NAALADL2: variants seen among roughly 807,000 people sequenced by gnomAD.
The protein encoded by NAALADL2 is N-acetylated alpha-linked acidic dipeptidase like 2.
NAALADL2 carries 76 observed loss-of-function variants against 87.2 expected under a neutral mutation model. The ratio of observed to expected loss-of-function variants is 0.87; its 90% CI spans 0.72 to 1.05. The LOEUF (loss-of-function observed/expected upper bound fraction) is 1.05, where lower values mean the gene tolerates loss of function less well. Ranked by LOEUF, NAALADL2 falls within the 50% of genes least tolerant of loss-of-function variation. The pLI is 0.00. For synonymous variants in NAALADL2, 354 were observed against 331.0 expected (o/e 1.07, Z -0.75); for missense variants, 1,089 against 945.8 (o/e 1.15, Z -1.99).
chr3:174,729,005 G>C (rs1001405830), intron 2 of NAALADL2, among the ~76,000 whole-genome samples: 2 of 152,072 alleles, frequency 1.3e-5, no homozygotes, highest in Non-Finnish European at 2.9e-5. Flanking sequence ...GACTGAAATA[G>C]TCTGTAAAGG....
Position 175,361,714 on chromosome 3 carries a change from G to A in NAALADL2, c.1090+37389G>A, listed in dbSNP as rs1253576759. Among the ~76,000 whole-genome samples the A allele has an allele frequency of 5.4e-5, 8 of 148,218 alleles. 1 individual carries two copies. The highest frequency in any genetic ancestry group is 2.0e-4 in the African/African-American group (8 of 40,842). ...CCTTCGCCCACTTTTTGATGGGGTT[G>A]TTTGATTTTTTCTTGTAAATTTGTT... is the stretch of plus-strand genomic sequence containing the variant. On this transcript the variant is annotated intron_variant, in intron 5 of 13. Transcript: ENST00000454872.
At chr3:175,706,979 A>G (rs936863765) in intron 11 of NAALADL2, among the ~76,000 whole-genome samples, 2 of 152,154 alleles carry the variant, frequency 1.3e-5, no homozygotes, top group African/African-American at 4.8e-5. Context: ...TATGTATATA[A>G]TGGATTACTT....
chr3:175,621,106 C>T (rs1420628660), intron 10 of NAALADL2, among the ~76,000 whole-genome samples: 1 of 152,172 alleles, frequency 6.6e-6, no homozygotes, highest in Non-Finnish European at 1.5e-5. Flanking sequence ...GCTCTCACTC[C>T]GTCACGGATT....
chr3:174,914,567 G>A (rs1247428104), intron 1 of NAALADL2, among the ~76,000 whole-genome samples: 1 of 152,010 alleles, frequency 6.6e-6, no homozygotes, highest in Non-Finnish European at 1.5e-5. Flanking sequence ...GTCATGGTAA[G>A]AATAAAAGGC....
At chr3:175,706,482 T>C (rs1041409326) in intron 11 of NAALADL2, among the ~76,000 whole-genome samples, 1 of 152,116 alleles carries the variant, frequency 6.6e-6, no homozygotes, top group Non-Finnish European at 1.5e-5. Context: ...AATCTCTGTC[T>C]TTCTCTCAAA....
intron 9 of NAALADL2, among the ~76,000 whole-genome samples, chr3:175,545,795 G>A (rs1713211169): frequency 6.6e-6 from 1 of 151,982 alleles, no homozygotes; most frequent in Non-Finnish European, 1.5e-5. Flanking sequence ...TGAAAGATCT[G>A]CACATAGAAA....
intron 9 of NAALADL2, among the ~76,000 whole-genome samples, chr3:175,517,514 A>G (rs1462089947): frequency 6.6e-6 from 1 of 152,180 alleles, no homozygotes; most frequent in Non-Finnish European, 1.5e-5. Context: ...ATTTCATGGC[A>G]AATTTGCTAT....
At chr3:175,634,608 T>TA (rs1260621687) in intron 11 of NAALADL2, among the ~76,000 whole-genome samples, 20 of 105,646 alleles carry the variant, frequency 1.9e-4, no homozygotes, top group Non-Finnish European at 1.1e-4. Flanking sequence ...ATAGAATTCC[T>TA]GGTACACGTT....
intron 4 of NAALADL2, among the ~76,000 whole-genome samples, chr3:175,268,964 G>A (rs932089082): frequency 1.0e-4 from 15 of 146,154 alleles, no homozygotes; most frequent in Non-Finnish European, 2.2e-4. Context: ...TTTTTGAGAC[G>A]GTCTCCCTCT....
At chr3:175,267,989 G>A (rs1455455990) in intron 4 of NAALADL2, among the ~76,000 whole-genome samples, 5 of 152,134 alleles carry the variant, frequency 3.3e-5, no homozygotes, top group Admixed American at 6.5e-5. Context: ...TTATTGTTTT[G>A]TAACCATGGT....
At chr3:174,706,073 G>A (rs530169623) in intron 2 of NAALADL2, among the ~76,000 whole-genome samples, 2 of 152,248 alleles carry the variant, frequency 1.3e-5, no homozygotes, top group South Asian at 4.1e-4. Context: ...GGAAGTGCTT[G>A]CTATCTGAAA....
intron 3 of NAALADL2, among the ~76,000 whole-genome samples, chr3:175,253,775 T>C (rs1053034279): frequency 5.9e-5 from 9 of 152,136 alleles, no homozygotes; most frequent in Admixed American, 5.9e-4. Flanking sequence ...TCAACCCTTA[T>C]AGACGAGTTT....
intron 5 of NAALADL2, among the ~76,000 whole-genome samples, chr3:175,363,554 T>A (rs4549278): frequency 0.6 from 88,205 of 146,428 alleles, 29,995 homozygotes; most frequent in African/African-American, 0.7. Flanking sequence ...GCTTCTGTCA[T>A]TTTCCAGTGT....
Position 174,650,138 on chromosome 3 carries a change from A to T in NAALADL2, c.-114-87503A>T, listed in dbSNP as rs77304070. ...GTGCAATAAACTTTACCTTCAGATG[A>T]TGGTGAAATGTGGTTCAGGGATTGG... On this transcript the variant is annotated intron_variant, in intron 2 of 3. Coordinates refer to the NAALADL2 transcript ENST00000434257. Among the ~76,000 whole-genome samples the T allele has an allele frequency of 1.4e-4, 21 of 152,214 alleles. 1 individual carries two copies. The highest frequency in any genetic ancestry group is 4.8e-4 in the African/African-American group (20 of 41,538).
intron 11 of NAALADL2, among the ~76,000 whole-genome samples, chr3:175,667,544 A>G (rs1479944059): frequency 6.6e-6 from 1 of 152,058 alleles, no homozygotes; most frequent in African/African-American, 2.4e-5. Context: ...TTTGAGTACT[A>G]TTTTTATTGA....
At position 175,718,396 on chromosome 3, in the gene NAALADL2, A is replaced by G. The variant is rs981074678; in HGVS notation, c.1897-18910A>G. 3.8e-6 allele frequency: 6 copies of G among 1,591,606 alleles called. No homozygotes were observed. The East Asian group carries it at 1.1e-4, about 30-fold the overall frequency. The stretch of plus-strand genomic sequence containing the variant: ...CCACTCCATTAGAACTATTTACTCC[A>G]TTCATATTAATTTTTGTTACAAATC... On this transcript the variant is annotated intron_variant, in intron 11 of 13. Transcript: ENST00000454872.
At chr3:175,016,132 A>T (rs1001889490) in intron 1 of NAALADL2, among the ~76,000 whole-genome samples, 1 of 151,320 alleles carries the variant, frequency 6.6e-6, no homozygotes, top group Non-Finnish European at 1.5e-5. Flanking sequence ...TTATTGTATC[A>T]TGTATTATAT....
chr3:175,699,724 G>A (rs1230921498), intron 11 of NAALADL2, among the ~76,000 whole-genome samples: 1 of 151,248 alleles, frequency 6.6e-6, no homozygotes, highest in Non-Finnish European at 1.5e-5. Flanking sequence ...TATATTTATT[G>A]AGTGCCACTG....
intron 1 of NAALADL2, among the ~76,000 whole-genome samples, chr3:174,916,166 T>C (rs1734357873): frequency 2.0e-5 from 3 of 152,160 alleles, no homozygotes; most frequent in Admixed American, 2.0e-4. Flanking sequence ...CATGATGAGA[T>C]ACCACCTTAC....
Sources: allele counts gnomAD v4.1 joint callset (sites outside exome capture counted in the v4.1 genomes callset), GRCh38; gene constraint gnomAD v4.1.1; transcripts MANE v1.5; gene names NCBI Gene and HGNC (gene_info 2026-07-23, HGNC 2026-07-21).